Variants in FLNB observed in about 807,000 individuals in gnomAD.
The protein encoded by FLNB is filamin B, also known as filamin-B.
Under a neutral mutation model 250.6 loss-of-function variants are expected in FLNB, and 111 were observed. The observed-to-expected ratio is 0.44, with a 90% confidence interval of 0.38 to 0.52. FLNB has a LOEUF of 0.52. FLNB is among the 20% of genes least tolerant of loss of function. The pLI is 0.00. For missense variants in FLNB, 2,869 were observed against 3,447.8 expected (o/e 0.83, Z 4.20); for synonymous variants, 1,302 against 1,372.1 (o/e 0.95, Z 1.13).
intron 10 of FLNB, among the ~76,000 whole-genome samples, chr3:58,104,703 A>G (rs998217047): frequency 2.0e-4 from 30 of 152,188 alleles, no homozygotes; most frequent in African/African-American, 7.0e-4. Flanking sequence ...TGTATGAGAT[A>G]AAGCCCATTC....
chr3:58,036,502 G>A (rs180977998), intron 1 of FLNB, among the ~76,000 whole-genome samples: 19 of 152,274 alleles, frequency 1.2e-4, no homozygotes, highest in Non-Finnish European at 2.2e-4. Flanking sequence ...GGCAGAACTG[G>A]TTGAGCCAGA....
chr3:58,038,536 G>A (rs1008529578), intron 1 of FLNB, among the ~76,000 whole-genome samples: 1 of 150,894 alleles, frequency 6.6e-6, no homozygotes, highest in South Asian at 2.1e-4. Flanking sequence ...CAATCCTTCC[G>A]CCTCAGCTGC....
rs1559730253 is a variant in FLNB at position 58,148,819 on chromosome 3, A to G, written c.6058A>G (p.Met2020Val). ...CCTGTCAGAAGGCCGGACTTTCGAG[A>G]TGTCTGACTTCATCGTGGACACAAG... is the stretch of plus-strand genomic sequence containing the variant. Reference protein sequence around the residue: ...RGLSEGRTFEMSDFIVDTRDA... With the variant: ...RGLSEGRTFEVSDFIVDTRDA... Residue 2020 changes from methionine (M) to valine (V), a missense_variant, in exon 36 of 46, where the codon ATG (methionine) becomes GTG (valine). Physicochemically the swap from Met to Val is conservative, Grantham distance 21. This residue lies in a region of FLNB where 1,084 missense variants were observed against 1,315.5 expected (regional missense o/e 0.82). Transcript: ENST00000295956. 6.2e-7 allele frequency: 1 copy of G among 1,613,734 alleles called. No individual in the cohort carries two copies. Among genetic ancestry groups the G allele is most frequent in the Non-Finnish European group, 8.5e-7 (1 of 1,180,024 alleles).
At chr3:58,018,387 T>C (rs534776865) in intron 1 of FLNB, among the ~76,000 whole-genome samples, 4 of 137,742 alleles carry the variant, frequency 2.9e-5, no homozygotes, top group Non-Finnish European at 4.5e-5. Flanking sequence ...CAGGCTGGAG[T>C]GTAGTGGTGC....
intron 1 of FLNB, among the ~76,000 whole-genome samples, chr3:58,022,851 TGTGTCTCCCAGGCTGGA>T (rs1160293910): frequency 6.6e-6 from 1 of 152,000 alleles, no homozygotes; most frequent in Non-Finnish European, 1.5e-5. Flanking sequence ...AGAGTCTTGC[TGTGTCTCCCAGGCTGGA>T]GTACAGTGGC....
rs1176965992 is a variant in FLNB, at chr3:58,145,939, A to T, written c.5444A>T (p.Tyr1815Phe). The change falls in exon 33 of 46, where the codon TAC (tyrosine) becomes TTC (phenylalanine). Residue 1815 changes from tyrosine to phenylalanine, a missense_variant. Around this residue, in one of 5 missense-constraint regions of FLNB, gnomAD observed 1,084 missense variants for 1,315.5 expected, o/e 0.82. Coordinates refer to ENST00000295956, the MANE Select transcript of FLNB (RefSeq NM_001457.4). ...AACCCAGAGAGCCCACTCCAGTTCTACGTGAACTACCCCAACAGTGGAAGT... is the reference window on the plus strand; with the variant it reads ...AACCCAGAGAGCCCACTCCAGTTCTTCGTGAACTACCCCAACAGTGGAAGT... ...SHIPESPLQF[Y>F]VNYPNSGSVS... The T allele has an allele frequency of 5.6e-6, 9 of 1,614,176 alleles. No homozygotes were observed. Among genetic ancestry groups the T allele is most frequent in the Admixed American group, 1.7e-5 (1 of 60,022 alleles).
chr3:58,016,574 A>G (rs894307073), intron 1 of FLNB, among the ~76,000 whole-genome samples: 9 of 151,760 alleles, frequency 5.9e-5, no homozygotes, highest in Non-Finnish European at 1.2e-4. Flanking sequence ...TTCTTTTTAG[A>G]TGACAAATCC....
At chr3:58,033,548 T>G (rs1303642183) in intron 1 of FLNB, among the ~76,000 whole-genome samples, 1 of 152,108 alleles carries the variant, frequency 6.6e-6, no homozygotes, top group East Asian at 1.9e-4. Context: ...CATGCTATCA[T>G]GCCTAGCTAA....
rs772851411 is a variant in FLNB at position 58,103,994 on chromosome 3, C to A, written c.1519C>A (p.Leu507Met). 1 of 1,614,082 alleles carries A rather than the reference C, an allele frequency of 6.2e-7. No homozygotes were observed. The highest frequency in any genetic ancestry group is 8.5e-7 in the Non-Finnish European group (1 of 1,179,990). ...LEELVKQKDFLDGVYAFEYYP... is the reference protein window; with the variant it reads ...LEELVKQKDFMDGVYAFEYYP... Reference sequence around the variant, plus strand: ...GGAGCTGGTGAAGCAGAAAGACTTTCTGGATGGGGTCTACGCATTCGAGTA... The same window carrying A: ...GGAGCTGGTGAAGCAGAAAGACTTTATGGATGGGGTCTACGCATTCGAGTA... Residue 507 changes from leucine to methionine, a missense_variant, in exon 10 of 46, where the codon CTG (leucine) becomes ATG (methionine). Leu to Met is a conservative substitution (Grantham distance 15). Coordinates refer to ENST00000295956, the MANE Select transcript of FLNB (RefSeq NM_001457.4).
Position 58,156,116 on chromosome 3 carries a change from AC to A in FLNB, c.6888+43del, listed in dbSNP as rs1395792798. 7.5e-6 allele frequency: 11 copies of A among 1,465,090 alleles called. No individual in the cohort carries two copies. The Admixed American group carries it at 1.8e-4, about 25-fold the overall frequency. 90.8% of individuals were successfully genotyped at this position (1,465,090 alleles called of 1,614,324 possible). On this transcript the variant is annotated intron_variant, in intron 41 of 45. Transcript: ENST00000295956. The stretch of plus-strand genomic sequence containing the variant: ...GCATCCATCTCCTTGGCCGCAGGCC[AC>A]CAGTGAGACCCCTGGACTCCTGAGG...
At chr3:58,168,062 G>A (rs926864449) in intron 43 of FLNB, among the ~76,000 whole-genome samples, 1 of 152,162 alleles carries the variant, frequency 6.6e-6, no homozygotes, top group African/African-American at 2.4e-5. Flanking sequence ...AGGGGCCCAC[G>A]CCTCCCCCAC....
At chr3:58,148,955 G>C (rs1180244100) in intron 36 of FLNB, 103 bp downstream of exon 36, 2 of 1,058,938 alleles carry the variant, frequency 1.9e-6, no homozygotes, top group African/African-American at 1.6e-5. Flanking sequence ...TCCTTTCTGA[G>C]CATCCTTCAA....
Position 58,130,807 on chromosome 3 carries a change from G to A in FLNB, c.4289G>A (p.Gly1430Glu). The A allele has an allele frequency of 6.2e-7, 1 of 1,613,952 alleles. No individual in the cohort carries two copies. Among genetic ancestry groups the A allele is most frequent in the Non-Finnish European group, 8.5e-7 (1 of 1,179,970 alleles). ...AGCAAGGTCAAGATTGCCGGCCCCG[G>A]GCTGGGCTCAGGCGTCCGAGCCCGT... Reference protein sequence around the residue: ...DPSKVKIAGPGLGSGVRARVL... With the variant: ...DPSKVKIAGPELGSGVRARVL... The change falls in exon 25 of 46, where the codon GGG becomes GAG. Residue 1430 changes from glycine (G) to glutamate (E), a missense_variant. This residue lies in a region of FLNB where 1,348 missense variants were observed against 1,466.7 expected (regional missense o/e 0.92). Coordinates refer to ENST00000295956, the MANE Select transcript of FLNB (RefSeq NM_001457.4).
intron 1 of FLNB, among the ~76,000 whole-genome samples, chr3:58,047,492 C>T (rs1214789704): frequency 6.6e-6 from 1 of 152,028 alleles, no homozygotes; most frequent in African/African-American, 2.4e-5. Context: ...TATAACCTTC[C>T]CCAGAGCCTC....
intron 4 of FLNB, among the ~76,000 whole-genome samples, chr3:58,082,989 A>ACAT (rs1456712435): frequency 6.6e-6 from 1 of 152,226 alleles, no homozygotes; most frequent in Non-Finnish European, 1.5e-5. Context: ...TGTCCTCAGT[A>ACAT]CATCACTAAG....
intron 4 of FLNB, among the ~76,000 whole-genome samples, chr3:58,083,013 T>C (rs781728546): frequency 2.0e-5 from 3 of 152,204 alleles, no homozygotes; most frequent in East Asian, 1.9e-4. Flanking sequence ...CTCCTAAGAA[T>C]AGGATATCCT....
intron 1 of FLNB, among the ~76,000 whole-genome samples, chr3:58,013,898 A>G (rs914648312): frequency 8.5e-5 from 13 of 152,216 alleles, no homozygotes; most frequent in African/African-American, 3.1e-4. Context: ...AAGGTGGCAC[A>G]TTAGCATTCA....
At chr3:58,078,657 G>T in intron 2 of FLNB, 60 bp from the exon 3 acceptor site, 1 of 1,544,664 alleles carries the variant, frequency 6.5e-7, no homozygotes, top group Non-Finnish European at 8.8e-7. Flanking sequence ...TAGGCACATG[G>T]TTTCCTTTAA....
Position 58,124,903 on chromosome 3 carries a change from G to A in FLNB, c.3898+398G>A, listed in dbSNP as rs556413470. On this transcript the variant is annotated intron_variant, in intron 22 of 45. Coordinates refer to ENST00000295956, the MANE Select transcript of FLNB (RefSeq NM_001457.4). ...CACTACCTGGAGATCGGAAGCCTGC[G>A]ATATTCTGATATAGATATTTTCAGT... Among the ~76,000 whole-genome samples the A allele has an allele frequency of 1.4e-4, 21 of 152,216 alleles. No homozygotes were observed. The South Asian group carries it at 3.5e-3, about 26-fold the overall frequency.
Sources: gnomAD v4.1 joint callset for allele counts (sites outside exome capture counted in the v4.1 genomes callset) on GRCh38, gnomAD v4.1.1 for gene constraint, gnomAD v4.1.1 regional missense constraint, MANE v1.5 for transcripts, NCBI Gene and HGNC (gene_info 2026-07-23, HGNC 2026-07-21) for gene names.